The following RANBP2 variants were observed in gnomAD, a reference collection of about 807,000 sequenced individuals.
RANBP2 encodes E3 SUMO-protein ligase RanBP2.
A neutral mutation model predicts 303.6 loss-of-function variants in RANBP2; 57 were observed. The ratio of observed to expected loss-of-function variants is 0.19; its 90% CI spans 0.15 to 0.23. The LOEUF is 0.23. Ranked by LOEUF, RANBP2 falls within the 10% of genes least tolerant of loss-of-function variation. The pLI, the probability that RANBP2 is intolerant of heterozygous loss-of-function variation, is 1.00. For missense variants in RANBP2, 3,138 were observed against 3,780.8 expected, an observed-to-expected ratio of 0.83 and a Z score of 4.46; for synonymous variants, 1,167 against 1,301.5, an observed-to-expected ratio of 0.90 and a Z score of 2.23.
chr2:109,430,959 G>T, the RANBP2 span, among the ~76,000 whole-genome samples: 1 of 152,220 alleles, frequency 6.6e-6, no homozygotes, highest in Non-Finnish European at 1.5e-5. Context: ...TTGAATGAGG[G>T]CAGAGGGCCT....
the RANBP2 span, among the ~76,000 whole-genome samples, chr2:109,636,282 T>G: frequency 0.034 from 5,153 of 152,334 alleles, 96 homozygotes; most frequent in South Asian, 0.076. Context: ...CTCTCATGGT[T>G]TTTTTCACTG....
At chr2:109,691,826 A>G in the RANBP2 span, among the ~76,000 whole-genome samples, 1 of 151,504 alleles carries the variant, frequency 6.6e-6, no homozygotes, top group Admixed American at 6.6e-5. Flanking sequence ...TCTGTCACCC[A>G]GGCTAGAGCG....
the RANBP2 span, among the ~76,000 whole-genome samples, chr2:109,353,327 A>G: frequency 1.3e-5 from 2 of 152,202 alleles, no homozygotes; most frequent in Non-Finnish European, 2.9e-5. Context: ...ACACATTTAT[A>G]GCTCGACCCT....
intron 1 of RANBP2, among the ~76,000 whole-genome samples, chr2:108,722,929 CT>C (rs1694389028): frequency 6.6e-6 from 1 of 152,216 alleles, no homozygotes; most frequent in Non-Finnish European, 1.5e-5. Flanking sequence ...AATTCTTTCT[CT>C]AGTTTTTCTT....
chr2:109,212,831 G>T, the RANBP2 span, among the ~76,000 whole-genome samples: 1 of 152,234 alleles, frequency 6.6e-6, no homozygotes, highest in African/African-American at 2.4e-5. Flanking sequence ...GTGAGCTGGT[G>T]TGGGGTAGGT....
chr2:108,736,089 C>A lies in RANBP2; in HGVS notation c.637-15C>A, dbSNP rs771952268. On this transcript the variant is annotated splice_polypyrimidine_tract_variant and intron_variant, in intron 5 of 28. Coordinates refer to ENST00000283195, the MANE Select transcript of RANBP2 (RefSeq NM_006267.5). ...TGATTAAGTTTTGTAACTTACTGTT[C>A]ATTCCACAAAATAGGAATATCTGGA... 6.2e-7 allele frequency: 1 copy of A among 1,611,650 alleles called. No individual in the cohort carries two copies. The highest frequency in any genetic ancestry group is 2.2e-5 in the East Asian group (1 of 44,860).
At chr2:109,164,962 T>C in the RANBP2 span, among the ~76,000 whole-genome samples, 6 of 152,166 alleles carry the variant, frequency 3.9e-5, no homozygotes, top group African/African-American at 7.2e-5. Context: ...GTCGTAATTG[T>C]TTTTCTTTTT....
At chr2:109,126,020 C>T in the RANBP2 span, among the ~76,000 whole-genome samples, 1 of 152,198 alleles carries the variant, frequency 6.6e-6, no homozygotes, top group African/African-American at 2.4e-5. Flanking sequence ...GCAGCACTTC[C>T]AACTTCTCTT....
chr2:109,551,641 T>G, the RANBP2 span, among the ~76,000 whole-genome samples: 7 of 152,280 alleles, frequency 4.6e-5, no homozygotes, highest in East Asian at 1.3e-3. Flanking sequence ...TTCTGTTGTT[T>G]GAACTTTTTC....
the RANBP2 span, chr2:108,804,871 T>TC: frequency 6.7e-7 from 1 of 1,493,820 alleles, no homozygotes; most frequent in Non-Finnish European, 8.9e-7. Flanking sequence ...GATGAGAGTT[T>TC]TTTTTTTCTC....
At chr2:109,336,704 T>C in the RANBP2 span, among the ~76,000 whole-genome samples, 146 of 152,388 alleles carry the variant, frequency 9.6e-4, no homozygotes, top group Non-Finnish European at 1.6e-3. Flanking sequence ...ACCTTAAGTC[T>C]GTAAAAGCAA....
At chr2:108,754,698 TATA>T (rs1676159602) in intron 15 of RANBP2, among the ~76,000 whole-genome samples, 1 of 151,290 alleles carries the variant, frequency 6.6e-6, no homozygotes, top group African/African-American at 2.4e-5. Flanking sequence ...AAGAAAAAAA[TATA>T]ATAAAGGCAA....
At chr2:109,718,855 C>T in the RANBP2 span, among the ~76,000 whole-genome samples, 2 of 151,404 alleles carry the variant, frequency 1.3e-5, no homozygotes, top group South Asian at 2.1e-4. Context: ...ACTAAAAGTA[C>T]AAAAATTAGC....
chr2:108,777,060 A>C, intron 24 of RANBP2, 70 bp from the exon 25 acceptor site: 1 of 1,207,582 alleles, frequency 8.3e-7, no homozygotes, highest in Non-Finnish European at 1.1e-6. Context: ...TGTTCTCTCT[A>C]GGTCCTGGGG....
the RANBP2 span, among the ~76,000 whole-genome samples, chr2:109,055,493 C>T: frequency 1.3e-5 from 2 of 150,802 alleles, no homozygotes; most frequent in African/African-American, 2.4e-5. Flanking sequence ...TCTCGAGTAG[C>T]AGGACTACAG....
chr2:109,231,179 T>C, the RANBP2 span, among the ~76,000 whole-genome samples: 1 of 152,248 alleles, frequency 6.6e-6, no homozygotes, highest in African/African-American at 2.4e-5. Flanking sequence ...AGAGCGGCTT[T>C]GCCGAAGTCT....
chr2:109,376,089 G>A, the RANBP2 span, among the ~76,000 whole-genome samples: 1 of 152,260 alleles, frequency 6.6e-6, no homozygotes, highest in Non-Finnish European at 1.5e-5. Flanking sequence ...AGAGAGCACT[G>A]TCCTGTGCTG....
chr2:109,558,100 A>C, the RANBP2 span, among the ~76,000 whole-genome samples: 874 of 152,274 alleles, frequency 5.7e-3, 11 homozygotes, highest in South Asian at 0.057. Context: ...CCTGACATGA[A>C]TATTTAATGC....
At chr2:109,421,469 T>A in the RANBP2 span, among the ~76,000 whole-genome samples, 1 of 152,234 alleles carries the variant, frequency 6.6e-6, no homozygotes, top group Non-Finnish European at 1.5e-5. Context: ...AACGTAACAG[T>A]TCCAGGCATG....
Sources: allele counts gnomAD v4.1 joint callset (sites outside exome capture counted in the v4.1 genomes callset), GRCh38; gene constraint gnomAD v4.1.1; transcripts MANE v1.5; gene names NCBI Gene and HGNC (gene_info 2026-07-23, HGNC 2026-07-21).